The following OR1F1 variants were observed in gnomAD, a reference collection of about 807,000 sequenced individuals.
OR1F1 encodes olfactory receptor family 1 subfamily F member 1, also known as olfactory receptor 1F1.
For synonymous variants in OR1F1, 184 were observed against 156.7 expected (o/e 1.17, Z -1.30); for missense variants, 493 against 376.3 (o/e 1.31, Z -2.57).
At chr16:3,190,047 C>A in the OR1F1 span, among the ~76,000 whole-genome samples, 1 of 152,190 alleles carries the variant, frequency 6.6e-6, no homozygotes, top group Non-Finnish European at 1.5e-5. Context: ...CGAATCTTCA[C>A]AGTCAGACGC....
the OR1F1 span, among the ~76,000 whole-genome samples, chr16:3,198,734 A>G: frequency 6.6e-6 from 1 of 152,282 alleles, no homozygotes; most frequent in African/African-American, 2.4e-5. Flanking sequence ...CACGCCTGGA[A>G]TCCCAGCATT....
chr16:3,198,630 A>T, the OR1F1 span, among the ~76,000 whole-genome samples: 2 of 152,178 alleles, frequency 1.3e-5, no homozygotes, highest in Non-Finnish European at 2.9e-5. Flanking sequence ...TTCAGGTGAA[A>T]GGGTAGTGGC....
At chr16:3,191,999 T>C in the OR1F1 span, among the ~76,000 whole-genome samples, 35,031 of 152,062 alleles carry the variant, frequency 0.23, 4,130 homozygotes, top group African/African-American at 0.25. Flanking sequence ...GGCTCGTTGG[T>C]CTAGGGGTAT....
the OR1F1 span, among the ~76,000 whole-genome samples, chr16:3,192,001 T>G: frequency 3.3e-5 from 5 of 152,174 alleles, no homozygotes; most frequent in African/African-American, 7.2e-5. Flanking sequence ...CTCGTTGGTC[T>G]AGGGGTATGA....
upstream of OR1F1, among the ~76,000 whole-genome samples, chr16:3,199,886 A>G (rs1297003122): frequency 1.3e-5 from 2 of 151,860 alleles, no homozygotes; most frequent in East Asian, 3.9e-4. Context: ...ATTGTGGTGC[A>G]TGCCTGGCAA....
At chr16:3,201,652 T>A (rs903946484), upstream of OR1F1, among the ~76,000 whole-genome samples, 1 of 152,208 alleles carries the variant, frequency 6.6e-6, no homozygotes, top group Non-Finnish European at 1.5e-5. Context: ...CAGAATGGTT[T>A]GTTCAGGTTT....
At chr16:3,192,874 C>T in the OR1F1 span, among the ~76,000 whole-genome samples, 1 of 152,036 alleles carries the variant, frequency 6.6e-6, no homozygotes, top group African/African-American at 2.4e-5. Context: ...GTCTGACTCG[C>T]GCCGTCTGCA....
At chr16:3,201,189 A>G (rs1022391819), upstream of OR1F1, among the ~76,000 whole-genome samples, 6 of 152,232 alleles carry the variant, frequency 3.9e-5, no homozygotes, top group African/African-American at 1.4e-4. Context: ...ATTCCATCAT[A>G]AGGATCTACC....
chr16:3,193,397 G>A, the OR1F1 span, among the ~76,000 whole-genome samples: 8 of 152,338 alleles, frequency 5.3e-5, no homozygotes, highest in South Asian at 1.7e-3. Context: ...TCGGGCGCCT[G>A]GGACTCCTTT....
the OR1F1 span, among the ~76,000 whole-genome samples, chr16:3,194,945 T>C: frequency 6.6e-6 from 1 of 152,212 alleles, no homozygotes; most frequent in Admixed American, 6.5e-5. Context: ...TAGTGACTCC[T>C]GGGCATGAAA....
chr16:3,201,583 C>T (rs963660106), upstream of OR1F1, among the ~76,000 whole-genome samples: 73 of 152,170 alleles, frequency 4.8e-4, no homozygotes, highest in African/African-American at 1.7e-3. Context: ...CACTGGATTC[C>T]CGCATGGAAT....
chr16:3,204,947 G>A (rs868492915), exon 1 of OR1F1: 2 of 1,614,138 alleles, frequency 1.2e-6, no homozygotes, highest in South Asian at 2.2e-5. Flanking sequence ...ACAAAGGGAA[G>A]GTGGAAAGCC....
At chr16:3,200,663 C>G (rs899415054), upstream of OR1F1, among the ~76,000 whole-genome samples, 3 of 152,184 alleles carry the variant, frequency 2.0e-5, no homozygotes, top group African/African-American at 7.2e-5. Context: ...AATTTGAAGG[C>G]AGGTAAGATC....
upstream of OR1F1, among the ~76,000 whole-genome samples, chr16:3,202,670 A>AATC (rs1164925746): frequency 1.0e-5 from 1 of 98,974 alleles, no homozygotes; most frequent in Non-Finnish European, 1.6e-5. Context: ...AAATAATAAT[A>AATC]ATAATAATAA....
At chr16:3,199,558 T>A (rs1567205284), upstream of OR1F1, among the ~76,000 whole-genome samples, 1 of 151,866 alleles carries the variant, frequency 6.6e-6, no homozygotes, top group African/African-American at 2.4e-5. Flanking sequence ...CTCAAACTCC[T>A]GAGCTTAAGC....
the OR1F1 span, among the ~76,000 whole-genome samples, chr16:3,197,045 G>A: frequency 1.3e-5 from 2 of 151,850 alleles, no homozygotes; most frequent in African/African-American, 2.4e-5. Context: ...CCTAATTTTT[G>A]TATTTTTTTC....
chr16:3,202,705 T>TAAC (rs1276458488), upstream of OR1F1, among the ~76,000 whole-genome samples: 7 of 134,162 alleles, frequency 5.2e-5, no homozygotes, highest in Admixed American at 2.2e-4. Context: ...ATAATAATAA[T>TAAC]AACAATTTAA....
upstream of OR1F1, among the ~76,000 whole-genome samples, chr16:3,201,792 A>G (rs184197033): frequency 4.5e-3 from 678 of 152,206 alleles, no homozygotes; most frequent in Non-Finnish European, 7.4e-3. Flanking sequence ...CATAAGACAT[A>G]CCCACCAGTG....
At chr16:3,192,652 C>A in the OR1F1 span, among the ~76,000 whole-genome samples, 1 of 152,144 alleles carries the variant, frequency 6.6e-6, no homozygotes, top group African/African-American at 2.4e-5. Context: ...CTTTGAGCAG[C>A]CTCAAGGGGA....
Sources: allele counts gnomAD v4.1 joint callset (sites outside exome capture counted in the v4.1 genomes callset), GRCh38; gene constraint gnomAD v4.1.1; transcripts MANE v1.5; gene names NCBI Gene and HGNC (gene_info 2026-07-23, HGNC 2026-07-21).